CGGBP1: variants seen among roughly 807,000 people sequenced by gnomAD.
The protein encoded by CGGBP1 is CGG triplet repeat-binding protein 1.
CGGBP1 carries 4 observed loss-of-function variants against 11.4 expected under a neutral mutation model. The observed-to-expected ratio is 0.35, with a 90% CI of 0.17 to 0.80. CGGBP1 has a LOEUF of 0.80. Ranked by LOEUF, CGGBP1 falls within the 30% of genes least tolerant of loss-of-function variation. The pLI is 0.52. For synonymous variants in CGGBP1, 76 were observed against 74.1 expected (o/e 1.03, Z -0.13); for missense variants, 135 against 202.1 (o/e 0.67, Z 2.01).
chr3:88,102,817 CTTTTTTTTTT>C (rs10701359), intron 2 of CGGBP1, among the ~76,000 whole-genome samples: 84 of 106,532 alleles, frequency 7.9e-4, no homozygotes, highest in African/African-American at 2.7e-3. Flanking sequence ...CCTCTACTGT[CTTTTTTTTTT>C]TTTTTTTTTT....
At chr3:88,135,094 T>C in intron 2 of CGGBP1, 1 of 1,471,954 alleles carries the variant, frequency 6.8e-7, no homozygotes, top group South Asian at 1.4e-5. Flanking sequence ...AACTACAGCT[T>C]AAATCTAATC....
At chr3:88,086,127 C>A in intron 2 of CGGBP1, 2 of 680,014 alleles carry the variant, frequency 2.9e-6, no homozygotes, top group Non-Finnish European at 2.4e-6. Flanking sequence ...TATAGAAGAT[C>A]CCTCCCTCCA....
chr3:88,135,064 G>T, intron 2 of CGGBP1: 1 of 1,408,830 alleles, frequency 7.1e-7, no homozygotes, highest in Non-Finnish European at 9.2e-7. Context: ...TTTACAGGGA[G>T]TTGATTTTCA....
chr3:88,118,241 T>A (rs192836794), intron 2 of CGGBP1, among the ~76,000 whole-genome samples: 19 of 152,262 alleles, frequency 1.2e-4, no homozygotes, highest in Admixed American at 9.8e-4. Flanking sequence ...CTTCTTTCCC[T>A]GAGACACAAC....
At chr3:88,075,034 AT>A (rs1173879862) in intron 2 of CGGBP1, among the ~76,000 whole-genome samples, 1 of 152,148 alleles carries the variant, frequency 6.6e-6, no homozygotes, top group Non-Finnish European at 1.5e-5. Flanking sequence ...TAGTATCCTA[AT>A]TTCTGTCTTT....
At chr3:88,139,167 G>C in intron 2 of CGGBP1, 1 of 1,352,624 alleles carries the variant, frequency 7.4e-7, no homozygotes, top group Non-Finnish European at 9.5e-7. Context: ...TGAAGGGTTT[G>C]ACTCTCTTAC....
intron 2 of CGGBP1, among the ~76,000 whole-genome samples, chr3:88,091,119 T>C (rs1399056148): frequency 6.6e-6 from 1 of 152,200 alleles, no homozygotes; most frequent in Non-Finnish European, 1.5e-5. Context: ...TAGCTTTGTG[T>C]ATGTACATTA....
intron 2 of CGGBP1, chr3:88,135,268 T>G: frequency 1.2e-5 from 15 of 1,240,654 alleles, no homozygotes; most frequent in African/African-American, 3.1e-5. Context: ...CTTGAATCTC[T>G]TTTGATAAAA....
chr3:88,057,353 T>C (rs2107561365), intron 2 of CGGBP1, 61 bp from the exon 3 acceptor site: 1 of 152,254 alleles, frequency 6.6e-6, no homozygotes, highest in African/African-American at 2.4e-5. Flanking sequence ...TTTTTTTTTT[T>C]TTTAAGTGCA....
intron 2 of CGGBP1, among the ~76,000 whole-genome samples, chr3:88,121,868 C>A (rs1705789266): frequency 6.6e-6 from 1 of 152,138 alleles, no homozygotes; most frequent in African/African-American, 2.4e-5. Flanking sequence ...ATTCTGGAAT[C>A]TTCATTTCGT....
chr3:88,086,102 C>A (rs868866461), intron 2 of CGGBP1, among the ~76,000 whole-genome samples: 1 of 152,052 alleles, frequency 6.6e-6, no homozygotes, highest in Non-Finnish European at 1.5e-5. Flanking sequence ...AGATATATAT[C>A]GTCAAAATAA....
chr3:88,119,431 T>C (rs1351549107), intron 2 of CGGBP1, among the ~76,000 whole-genome samples: 8 of 141,580 alleles, frequency 5.7e-5, no homozygotes, highest in Non-Finnish European at 1.1e-4. Flanking sequence ...TTGGGAGATA[T>C]ACCTAATGCT....
intron 2 of CGGBP1, chr3:88,128,775 G>A: frequency 3.6e-6 from 5 of 1,394,478 alleles, no homozygotes; most frequent in Non-Finnish European, 4.8e-6. Flanking sequence ...ATCTTTTCTT[G>A]AGAGTAATAG....
chr3:88,140,461 T>C lies in CGGBP1; in HGVS notation c.-229+509A>G, dbSNP rs568095642. On this transcript the variant is annotated intron_variant, in intron 2 of 3. Transcript: ENST00000462901. ...GAACCAAAGACATGTATAGAAAGTA[T>C]GGAAAAGAAAACAGACAGTTTAGTT... 22 of 1,613,600 alleles carry C rather than the reference T, an allele frequency of 1.4e-5. No homozygotes were observed. The South Asian group carries it at 2.0e-4, about 14-fold the overall frequency.
Position 88,105,428 on chromosome 3 carries a change from C to T in CGGBP1, c.-229+35542G>A, listed in dbSNP as rs149081757. 3.5e-4 allele frequency among the ~76,000 whole-genome samples: 54 copies of T among 152,288 alleles called. No individual in the cohort carries two copies. In the East Asian group the frequency reaches 5.2e-3, roughly 15 times the overall value. Reference sequence around the variant, plus strand: ...GTAGCATAGTCAGTCAATTTGTCCTCTACTGGTATGCATTTGGGTTGTTTC... The same window carrying T: ...GTAGCATAGTCAGTCAATTTGTCCTTTACTGGTATGCATTTGGGTTGTTTC... On this transcript the variant is annotated intron_variant, in intron 2 of 3. Coordinates refer to the CGGBP1 transcript ENST00000462901.
chr3:88,113,724 G>A (rs754527032), intron 2 of CGGBP1, among the ~76,000 whole-genome samples: 1 of 152,186 alleles, frequency 6.6e-6, no homozygotes, highest in African/African-American at 2.4e-5. Context: ...AAGCAACCCT[G>A]ACCCACTCGG....
chr3:88,060,076 T>TA (rs1023123883), upstream of CGGBP1, among the ~76,000 whole-genome samples: 6 of 152,138 alleles, frequency 3.9e-5, no homozygotes, highest in African/African-American at 1.2e-4. Context: ...GTGATTTAGT[T>TA]ACTTTTTTCG....
intron 2 of CGGBP1, among the ~76,000 whole-genome samples, chr3:88,077,423 G>T (rs1469722550): frequency 6.7e-6 from 1 of 149,658 alleles, no homozygotes; most frequent in Non-Finnish European, 1.5e-5. Context: ...AAGCTCCGCC[G>T]CCGGGTTCAC....
chr3:88,082,667 C>G (rs185176162), intron 2 of CGGBP1, among the ~76,000 whole-genome samples: 2 of 152,216 alleles, frequency 1.3e-5, no homozygotes, highest in Admixed American at 1.3e-4. Context: ...ATATGAAGAT[C>G]ATTGTTTGCT....
Sources: allele counts gnomAD v4.1 joint callset (sites outside exome capture counted in the v4.1 genomes callset), GRCh38; gene constraint gnomAD v4.1.1; transcripts MANE v1.5; gene names NCBI Gene and HGNC (gene_info 2026-07-23, HGNC 2026-07-21).